Variants in NBAS observed in about 807,000 individuals in gnomAD.
NBAS encodes NAG/BC035112 fusion.
Under a neutral mutation model 302.5 loss-of-function variants are expected in NBAS, and 219 were observed. That is an observed-to-expected ratio of 0.72 (90% CI 0.65 to 0.81). The LOEUF (loss-of-function observed/expected upper bound fraction) is 0.81. Among genes scored for constraint, NBAS ranks in the 30% least tolerant of loss-of-function variants. NBAS has a pLI of 0.00. For synonymous variants in NBAS, 1,118 were observed against 1,021.6 expected, an observed-to-expected ratio of 1.09 and a Z score of -1.80; for missense variants, 2,932 against 2,841.6, an observed-to-expected ratio of 1.03 and a Z score of -0.72.
the NBAS span, among the ~76,000 whole-genome samples, chr2:15,109,562 T>C: frequency 1.3e-5 from 2 of 152,150 alleles, no homozygotes; most frequent in Non-Finnish European, 2.9e-5. Context: ...AACAACAGAA[T>C]TTATTTCTCA....
chr2:15,167,150 G>T lies in NBAS; in HGVS notation c.7014C>A (p.Gly2338=), dbSNP rs746270875. Residue 2338 remains glycine (G), a synonymous_variant, in exon 52 of 52, where the codon GGC becomes GGA. Transcript: ENST00000281513. ...EELGRHLREA[G]HEAEAGSLLL... is the part of the protein sequence containing the mutation. ...GGAGAGACCCGGCTTCGGCTTCATGGCCGGCCTCCCGCAGGTGTCTGCCCA... is the reference window on the plus strand; with the variant it reads ...GGAGAGACCCGGCTTCGGCTTCATGTCCGGCCTCCCGCAGGTGTCTGCCCA... 6.2e-7 allele frequency: 1 copy of T among 1,614,120 alleles called. No individual in the cohort carries two copies. Among genetic ancestry groups the T allele is most frequent in the East Asian group, 2.2e-5 (1 of 44,892 alleles).
intron 28 of NBAS, 61 bp downstream of exon 28, chr2:15,394,166 A>C: frequency 6.7e-7 from 1 of 1,502,040 alleles, no homozygotes; most frequent in Non-Finnish European, 8.9e-7. Flanking sequence ...AGAAAAAGAG[A>C]AATACTTTTA....
intron 51 of NBAS, among the ~76,000 whole-genome samples, chr2:15,174,002 T>A (rs570850772): frequency 6.6e-6 from 1 of 152,318 alleles, no homozygotes; most frequent in South Asian, 2.1e-4. Context: ...TGTCTGTTCA[T>A]ACCAAGTAAA....
intron 22 of NBAS, among the ~76,000 whole-genome samples, chr2:15,425,776 T>C (rs763303771): frequency 6.6e-6 from 1 of 152,186 alleles, no homozygotes; most frequent in Admixed American, 6.5e-5. Context: ...GGGCCAACAG[T>C]AACGCTGAGT....
At chr2:15,133,055 T>A in the NBAS span, among the ~76,000 whole-genome samples, 1,449 of 152,334 alleles carry the variant, frequency 9.5e-3, 26 homozygotes, top group African/African-American at 0.032. Flanking sequence ...ATATCATGCA[T>A]CTTGTGTTTT....
intron 40 of NBAS, among the ~76,000 whole-genome samples, chr2:15,293,132 G>A (rs1226479810): frequency 6.6e-6 from 1 of 152,174 alleles, no homozygotes; most frequent in African/African-American, 2.4e-5. Context: ...ACTCACTCTA[G>A]AAGTAATTTT....
chr2:15,361,449 G>A (rs1673920410), intron 32 of NBAS, among the ~76,000 whole-genome samples: 1 of 151,850 alleles, frequency 6.6e-6, no homozygotes, highest in Non-Finnish European at 1.5e-5. Flanking sequence ...GGAGGCAGAG[G>A]TGGCAGTGAG....
intron 30 of NBAS, among the ~76,000 whole-genome samples, chr2:15,378,323 G>A (rs766272141): frequency 2.6e-5 from 4 of 152,138 alleles, no homozygotes; most frequent in Non-Finnish European, 4.4e-5. Flanking sequence ...CAGATGTCCA[G>A]GGTACAAATG....
At chr2:14,910,746 CT>C in the NBAS span, among the ~76,000 whole-genome samples, 1 of 152,204 alleles carries the variant, frequency 6.6e-6, no homozygotes, top group Non-Finnish European at 1.5e-5. Context: ...GATTTAATAT[CT>C]GATTTTCCCC....
At chr2:15,398,982 T>C (rs901006953) in intron 26 of NBAS, among the ~76,000 whole-genome samples, 1 of 152,214 alleles carries the variant, frequency 6.6e-6, no homozygotes, top group African/African-American at 2.4e-5. Flanking sequence ...TCTTAGCCTA[T>C]ACATTCTTCA....
At chr2:14,810,804 G>T in the NBAS span, among the ~76,000 whole-genome samples, 2 of 152,144 alleles carry the variant, frequency 1.3e-5, no homozygotes, top group East Asian at 3.9e-4. Context: ...ACATCTATTA[G>T]CAATTTAACA....
intron 12 of NBAS, chr2:15,483,298 T>A: frequency 2.5e-6 from 1 of 407,562 alleles, no homozygotes. Context: ...GTGGATTATA[T>A]CAAGATTCAT....
At chr2:15,324,826 C>T (rs1467704365) in intron 38 of NBAS, among the ~76,000 whole-genome samples, 1 of 152,178 alleles carries the variant, frequency 6.6e-6, no homozygotes, top group Non-Finnish European at 1.5e-5. Context: ...CCCTAAAGCT[C>T]CACAAGAGAA....
rs527439849 is a variant in NBAS, at chr2:15,455,059, T to C, written c.2339+6142A>G. On this transcript the variant is annotated intron_variant, in intron 21 of 51. Coordinates refer to ENST00000281513, the MANE Select transcript of NBAS (RefSeq NM_015909.4). Reference sequence around the variant, plus strand: ...CTGGGATTACAGGTGTGTGCCACCATGCCCGGCTAATTTTTGTGTTTTTAG... The same window carrying C: ...CTGGGATTACAGGTGTGTGCCACCACGCCCGGCTAATTTTTGTGTTTTTAG... 3.2e-4 allele frequency among the ~76,000 whole-genome samples: 48 copies of C among 152,196 alleles called. 1 individual carries two copies. Among genetic ancestry groups the C allele is most frequent in the Middle Eastern group, 3.4e-3 (1 of 294 alleles).
At chr2:14,992,651 C>T in the NBAS span, among the ~76,000 whole-genome samples, 1 of 152,190 alleles carries the variant, frequency 6.6e-6, no homozygotes, top group Non-Finnish European at 1.5e-5. Flanking sequence ...ATTTTCTTTG[C>T]TTTTTGGGGA....
the NBAS span, among the ~76,000 whole-genome samples, chr2:14,929,446 C>T: frequency 2.2e-4 from 33 of 152,304 alleles, no homozygotes; most frequent in African/African-American, 6.7e-4. Context: ...GGTGCAATCT[C>T]GGCTCACTGC....
At chr2:15,396,622 A>T in intron 26 of NBAS, 147 bp from the exon 27 acceptor site, 2 of 562,066 alleles carry the variant, frequency 3.6e-6, no homozygotes. Flanking sequence ...AGCATTATTA[A>T]TGATTCAAGA....
At chr2:15,459,152 C>T (rs1390503106) in intron 21 of NBAS, among the ~76,000 whole-genome samples, 1 of 152,146 alleles carries the variant, frequency 6.6e-6, no homozygotes, top group Admixed American at 6.5e-5. Context: ...CTTATCTAAG[C>T]AATCATCAGA....
At chr2:14,887,392 G>C in the NBAS span, among the ~76,000 whole-genome samples, 8 of 95,232 alleles carry the variant, frequency 8.4e-5, no homozygotes, top group Non-Finnish European at 2.0e-5. Flanking sequence ...GACAAAGTGA[G>C]ACTCCTCAAA....
Sources: gnomAD v4.1 joint callset for allele counts (sites outside exome capture counted in the v4.1 genomes callset) on GRCh38, gnomAD v4.1.1 for gene constraint, MANE v1.5 for transcripts, NCBI Gene and HGNC (gene_info 2026-07-23, HGNC 2026-07-21) for gene names.